PACS1: variants seen among roughly 807,000 people sequenced by gnomAD.
PACS1 encodes the protein PACS-1.
In PACS1, 24 loss-of-function variants were observed where a neutral mutation model predicts 115.0. That is an observed-to-expected ratio of 0.21 (90% confidence interval 0.15 to 0.29). PACS1 has a LOEUF of 0.29. Among genes scored for constraint, PACS1 ranks in the 10% least tolerant of loss-of-function variants. The pLI, the probability that PACS1 is intolerant of heterozygous loss-of-function variation, is 1.00. For missense variants in PACS1, 838 were observed against 1,251.2 expected, an observed-to-expected ratio of 0.67 and a Z score of 4.98; for synonymous variants, 453 against 504.5, an observed-to-expected ratio of 0.90 and a Z score of 1.37.
chr11:66,216,712 C>T lies in PACS1; in HGVS notation c.915C>T (p.Asp305=), dbSNP rs765029225. Residue 305 remains aspartate, a synonymous_variant, in exon 7 of 24, where the codon GAC becomes GAT. Coordinates refer to ENST00000320580, the MANE Select transcript of PACS1 (RefSeq NM_018026.4). Reference sequence around the variant, plus strand: ...CCACTTAGGACTTGTTCTACGAAGACGAAGATCTCCGGAAAGTGAAGAAGA... The same window carrying T: ...CCACTTAGGACTTGTTCTACGAAGATGAAGATCTCCGGAAAGTGAAGAAGA... ...PLHGQDLFYE[D]EDLRKVKKTR... The T allele has an allele frequency of 1.6e-5, 26 of 1,613,700 alleles. No homozygotes were observed. In the Middle Eastern group the frequency reaches 4.9e-4, roughly 31 times the overall value.
chr11:66,233,998 C>T lies in PACS1; in HGVS notation c.1993+59C>T. 1.3e-6 allele frequency: 2 copies of T among 1,567,512 alleles called. No individual in the cohort carries two copies. Among genetic ancestry groups the T allele is most frequent in the Non-Finnish European group, 8.7e-7 (1 of 1,150,948 alleles). ...ATGAGGGTTCCATAGACAGATGCCT[C>T]ATCTGGAACAGGACGGTGGGGTTGG... is the stretch of plus-strand genomic sequence containing the variant. On this transcript the variant is annotated intron_variant, in intron 16 of 23. Coordinates refer to ENST00000320580, the MANE Select transcript of PACS1 (RefSeq NM_018026.4). The surrounding 1 kb of genome is among the most constrained non-coding windows in gnomAD (Gnocchi z 4.5).
intron 1 of PACS1, chr11:66,100,839 T>A (rs475817): frequency 0.99 from 453,616 of 456,264 alleles, 225,537 homozygotes; most frequent in East Asian, 1. Flanking sequence ...GAACACCTGT[T>A]ATGGCCTTTC....
At chr11:66,116,093 T>C (rs1286127296) in intron 1 of PACS1, among the ~76,000 whole-genome samples, 5 of 152,258 alleles carry the variant, frequency 3.3e-5, no homozygotes, top group African/African-American at 7.2e-5. Context: ...AATGTGTCGC[T>C]ATTTGTTATG....
At chr11:66,162,851 T>C (rs1373037410) in intron 1 of PACS1, among the ~76,000 whole-genome samples, 2 of 152,172 alleles carry the variant, frequency 1.3e-5, no homozygotes, top group Non-Finnish European at 2.9e-5. Flanking sequence ...GCAGTAAATG[T>C]GGGGTTGGAG....
rs542944123 is a variant in PACS1, at chr11:66,170,446, G to A, written c.357-23040G>A. On this transcript the variant is annotated intron_variant, in intron 1 of 23. Coordinates refer to ENST00000320580, the MANE Select transcript of PACS1 (RefSeq NM_018026.4). Reference sequence around the variant, plus strand: ...TAATGGCATAGCAAAGTTTTGATACGTCATATTTTAGTGTTTGGTTCTGAA... The same window carrying A: ...TAATGGCATAGCAAAGTTTTGATACATCATATTTTAGTGTTTGGTTCTGAA... Among the ~76,000 whole-genome samples the A allele has an allele frequency of 4.1e-4, 61 of 150,134 alleles. No homozygotes were observed. In the South Asian group the frequency reaches 0.012, roughly 29 times the overall value.
At chr11:66,106,365 A>C (rs1858039679) in intron 1 of PACS1, among the ~76,000 whole-genome samples, 1 of 152,222 alleles carries the variant, frequency 6.6e-6, no homozygotes, top group African/African-American at 2.4e-5. Context: ...TGAGGCCAGG[A>C]GTTCAAGACC....
chr11:66,181,837 G>A (rs1354182312), intron 1 of PACS1, among the ~76,000 whole-genome samples: 5 of 152,066 alleles, frequency 3.3e-5, no homozygotes, highest in Non-Finnish European at 7.4e-5. Context: ...ATGTACTAAT[G>A]GGTTGTCATG....
chr11:66,070,774 CG>C lies in PACS1; in HGVS notation c.289del (p.Ala97ProfsTer5). On this transcript the variant is annotated frameshift_variant, in exon 1 of 24. Transcript: ENST00000320580. LOFTEE classifies it high-confidence loss of function. The surrounding 1 kb of genome is among the most constrained non-coding windows in gnomAD (Gnocchi z 5.9). ...PGGPGPGRTP[A>X]PVQMNLYATW... ...GTGGCCCGGGGCCAGGCCGCACCCCCGCCCCGGTGCAGATGAACCTGTACGC... is the reference window on the plus strand; with the variant it reads ...GTGGCCCGGGGCCAGGCCGCACCCCCCCCCGGTGCAGATGAACCTGTACGC... 6.5e-7 allele frequency: 1 copy of C among 1,533,934 alleles called. No individual in the cohort carries two copies.
chr11:66,149,968 C>T (rs1440001799), intron 1 of PACS1, among the ~76,000 whole-genome samples: 4 of 152,024 alleles, frequency 2.6e-5, no homozygotes, highest in Admixed American at 6.6e-5. Context: ...AGGCTGGTCT[C>T]GAACTTGCCA....
intron 1 of PACS1, among the ~76,000 whole-genome samples, chr11:66,114,417 CAA>C (rs34972929): frequency 4.5e-5 from 6 of 132,132 alleles, no homozygotes; most frequent in Non-Finnish European, 3.2e-5. Flanking sequence ...GACTCCGCCT[CAA>C]AAAAAAAAAA....
intron 19 of PACS1, chr11:66,238,096 T>C: frequency 3.0e-6 from 3 of 985,436 alleles, no homozygotes; most frequent in Non-Finnish European, 3.6e-6. Flanking sequence ...TGTGTTCTTT[T>C]CTAGCCACTG....
chr11:66,071,161 C>T (rs1320523299), intron 1 of PACS1, among the ~76,000 whole-genome samples: 2 of 152,108 alleles, frequency 1.3e-5, no homozygotes, highest in East Asian at 1.9e-4. Context: ...AAGTCACTCT[C>T]CTGCCTCGCC....
At chr11:66,242,516 C>G (rs962612383) in intron 22 of PACS1, among the ~76,000 whole-genome samples, 2 of 152,176 alleles carry the variant, frequency 1.3e-5, no homozygotes, top group African/African-American at 4.8e-5. Flanking sequence ...GAGCACTCCC[C>G]GGCATCCCCA....
At position 66,236,114 on chromosome 11, in the gene PACS1, G is replaced by T. The variant is rs1232060542; in HGVS notation, c.2250+174G>T. Among the ~76,000 whole-genome samples, 1 of 152,108 alleles carries T rather than the reference G, an allele frequency of 6.6e-6. No homozygotes were observed. Among genetic ancestry groups the T allele is most frequent in the Non-Finnish European group, 1.5e-5 (1 of 68,026 alleles). ...AGACGTGTTTGGTTGTTATACGGGG[G>T]GTACCCAGTGGGTGGAGGCCAGGGA... On this transcript the variant is annotated intron_variant, in intron 19 of 23. Transcript: ENST00000320580. The surrounding 1 kb of genome is among the most constrained non-coding windows in gnomAD (Gnocchi z 4.2).
Position 66,216,862 on chromosome 11 carries a change from C to CTTATTTTTTTTTTTTTTTTTTTTTTTTT in PACS1, c.978+89_978+90insATTTTTTTTTTTTTTTTTTTTTTTTTTT. The CTTATTTTTTTTTTTTTTTTTTTTTTTTT allele has an allele frequency of 2.8e-5, 24 of 849,764 alleles. 1 individual carries two copies. The highest frequency in any genetic ancestry group is 1.1e-4 in the East Asian group (4 of 36,636). 52.6% of individuals were successfully genotyped at this position (849,764 alleles called of 1,614,324 possible). ...GCAGCATATTCAGGCCTAGTGGAGA[C>CTTATTTTTTTTTTTTTTTTTTTTTTTTT]TTCTTAAAATCAACACAGGGTCATC... On this transcript the variant is annotated intron_variant, in intron 7 of 23. Coordinates refer to ENST00000320580, the MANE Select transcript of PACS1 (RefSeq NM_018026.4).
intron 1 of PACS1, among the ~76,000 whole-genome samples, chr11:66,141,323 G>A (rs1170120319): frequency 3.3e-5 from 5 of 151,718 alleles, no homozygotes; most frequent in African/African-American, 1.2e-4. Context: ...ACAGGGTCTC[G>A]CCGTGTGGCC....
intron 1 of PACS1, among the ~76,000 whole-genome samples, chr11:66,095,843 TTAGG>T: frequency 6.6e-6 from 1 of 152,194 alleles, no homozygotes. Context: ...AAAACAATCT[TTAGG>T]TATTATCTGG....
intron 9 of PACS1, 112 bp downstream of exon 9, chr11:66,220,903 CT>C: frequency 8.4e-7 from 1 of 1,197,032 alleles, no homozygotes; most frequent in Admixed American, 2.3e-5. Context: ...GTCCTTCATC[CT>C]TTCTGAACCT....
At chr11:66,081,855 GTTAA>G (rs1857486063) in intron 1 of PACS1, among the ~76,000 whole-genome samples, 1 of 152,100 alleles carries the variant, frequency 6.6e-6, no homozygotes, top group African/African-American at 2.4e-5. Flanking sequence ...TTTAAATGTA[GTTAA>G]TTTTTTTTTC....
Sources: gnomAD v4.1 joint callset for allele counts (sites outside exome capture counted in the v4.1 genomes callset) on GRCh38, gnomAD v4.1.1 for gene constraint, Gnocchi (gnomAD v3.1) non-coding constraint, MANE v1.5 for transcripts, NCBI Gene and HGNC (gene_info 2026-07-23, HGNC 2026-07-21) for gene names.